The following GABRB1 variants were observed in gnomAD, a reference collection of about 807,000 sequenced individuals.
GABRB1 encodes the protein gamma-aminobutyric acid receptor subunit beta-1.
In GABRB1, 17 loss-of-function variants were observed where a neutral mutation model predicts 51.6. The observed-to-expected ratio is 0.33, with a 90% CI of 0.23 to 0.49. The LOEUF is 0.49. Among genes scored for constraint, GABRB1 ranks in the 20% least tolerant of loss-of-function variants. The probability of loss-of-function intolerance (pLI) is 0.99; values close to 1 mark genes in which losing one functional copy is unlikely to be tolerated. For synonymous variants in GABRB1, 247 were observed against 218.9 expected (o/e 1.13, Z -1.14); for missense variants, 410 against 600.6 (o/e 0.68, Z 3.32).
At chr4:47,201,480 C>A (rs1004923707) in intron 4 of GABRB1, among the ~76,000 whole-genome samples, 2 of 151,980 alleles carry the variant, frequency 1.3e-5, no homozygotes, top group African/African-American at 4.8e-5. Flanking sequence ...GCTATTTATT[C>A]TTTCTCATTC....
intron 3 of GABRB1, among the ~76,000 whole-genome samples, chr4:47,035,066 T>C (rs1005048809): frequency 6.6e-6 from 1 of 152,182 alleles, no homozygotes; most frequent in African/African-American, 2.4e-5. Context: ...AAAACATTGC[T>C]TATATTTATG....
At chr4:47,198,109 G>T (rs966422596) in intron 4 of GABRB1, among the ~76,000 whole-genome samples, 1 of 152,080 alleles carries the variant, frequency 6.6e-6, no homozygotes, top group East Asian at 1.9e-4. Flanking sequence ...TCCATAAACC[G>T]ATATCTCTAC....
At chr4:47,116,735 T>C (rs529354537) in intron 3 of GABRB1, among the ~76,000 whole-genome samples, 2 of 152,294 alleles carry the variant, frequency 1.3e-5, no homozygotes, top group East Asian at 1.9e-4. Context: ...AGTCCATTCT[T>C]GCATCTTTAT....
At chr4:47,363,671 T>C (rs952401540) in intron 5 of GABRB1, among the ~76,000 whole-genome samples, 1 of 152,160 alleles carries the variant, frequency 6.6e-6, no homozygotes, top group Non-Finnish European at 1.5e-5. Context: ...TTGCTATGAA[T>C]AGACTAGAGG....
Position 47,403,728 on chromosome 4 carries a change from A to T in GABRB1, c.835+17A>T. ...TCGCACTAGGTAATACATTCTCAGC[A>T]CTGCAGAGAGCTAACAGATTTTACT... On this transcript the variant is annotated intron_variant, in intron 7 of 8. Coordinates refer to ENST00000295454, the MANE Select transcript of GABRB1 (RefSeq NM_000812.4). 6.2e-7 allele frequency: 1 copy of T among 1,608,512 alleles called. No individual in the cohort carries two copies. The highest frequency in any genetic ancestry group is 8.5e-7 in the Non-Finnish European group (1 of 1,179,194).
intron 5 of GABRB1, among the ~76,000 whole-genome samples, chr4:47,390,466 TAG>T (rs1727947267): frequency 6.6e-6 from 1 of 152,210 alleles, no homozygotes; most frequent in Non-Finnish European, 1.5e-5. Context: ...GCATCCAAAA[TAG>T]AGTGTTTCAA....
intron 4 of GABRB1, among the ~76,000 whole-genome samples, chr4:47,319,135 C>A (rs983139979): frequency 6.6e-6 from 1 of 152,038 alleles, no homozygotes. Context: ...ATTTTCTAAT[C>A]ATCCTTTTGT....
At chr4:47,385,856 C>G (rs955000740) in intron 5 of GABRB1, among the ~76,000 whole-genome samples, 1 of 152,294 alleles carries the variant, frequency 6.6e-6, no homozygotes, top group East Asian at 1.9e-4. Flanking sequence ...GAATGTCTCA[C>G]AGAACTCAGG....
intron 2 of GABRB1, 34 bp downstream of exon 2, chr4:47,032,039 T>C (rs765507674): frequency 6.0e-6 from 8 of 1,337,420 alleles, no homozygotes; most frequent in South Asian, 1.2e-5. Context: ...CTGTAACCCA[T>C]CCTTAGTTCT....
At chr4:47,287,281 T>C (rs187014803) in intron 4 of GABRB1, among the ~76,000 whole-genome samples, 1 of 152,354 alleles carries the variant, frequency 6.6e-6, no homozygotes, top group East Asian at 1.9e-4. Context: ...CTATATCACA[T>C]GATTCAAGTA....
At chr4:47,169,549 TG>T (rs1348314275) in intron 4 of GABRB1, among the ~76,000 whole-genome samples, 1 of 151,976 alleles carries the variant, frequency 6.6e-6, no homozygotes, top group Non-Finnish European at 1.5e-5. Flanking sequence ...TTGCCCAAGC[TG>T]GAGTGCAATG....
intron 4 of GABRB1, among the ~76,000 whole-genome samples, chr4:47,210,011 A>G (rs540857485): frequency 2.0e-5 from 3 of 152,272 alleles, no homozygotes; most frequent in African/African-American, 7.2e-5. Context: ...TCCTGCCGTC[A>G]GGATGACAGA....
chr4:47,117,199 G>A lies in GABRB1; in HGVS notation c.241-44050G>A, dbSNP rs115536384. On this transcript the variant is annotated intron_variant, in intron 3 of 8. Transcript: ENST00000295454. ...AAAGATTTTTATCTTTTTATGTTAC[G>A]AGAGGAGCAGGTCCTCTGAATTTTT... Among the ~76,000 whole-genome samples the A allele has an allele frequency of 3.3e-3, 503 of 152,254 alleles. 5 individuals carry two copies. Among genetic ancestry groups the A allele is most frequent in the African/African-American group, 0.011 (441 of 41,554 alleles).
chr4:47,396,793 C>CA (rs1423886755), intron 5 of GABRB1, among the ~76,000 whole-genome samples: 1 of 152,176 alleles, frequency 6.6e-6, no homozygotes, highest in Admixed American at 6.5e-5. Flanking sequence ...TCATCAGCAA[C>CA]ATGAGAGTAG....
intron 3 of GABRB1, among the ~76,000 whole-genome samples, chr4:47,071,138 T>C (rs775370172): frequency 2.5e-4 from 38 of 152,216 alleles, no homozygotes; most frequent in Non-Finnish European, 1.0e-4. Flanking sequence ...GCCAGACCCA[T>C]CAGGAACTTC....
At chr4:47,377,531 A>C (rs1272322333) in intron 5 of GABRB1, among the ~76,000 whole-genome samples, 1 of 151,876 alleles carries the variant, frequency 6.6e-6, no homozygotes, top group African/African-American at 2.4e-5. Context: ...CAGCAGCAAG[A>C]TTTATTGCAA....
chr4:47,165,745 A>C (rs958078127), intron 4 of GABRB1, among the ~76,000 whole-genome samples: 3 of 152,034 alleles, frequency 2.0e-5, no homozygotes, highest in Non-Finnish European at 2.9e-5. Context: ...CAAAATTTCC[A>C]ATTGCTCACT....
intron 4 of GABRB1, among the ~76,000 whole-genome samples, chr4:47,180,355 A>G (rs1196269350): frequency 1.3e-5 from 2 of 152,206 alleles, no homozygotes; most frequent in Admixed American, 6.6e-5. Context: ...GAGGCAACAC[A>G]TTAAAATGTT....
chr4:47,151,771 T>C (rs1286768695), intron 3 of GABRB1, among the ~76,000 whole-genome samples: 1 of 152,054 alleles, frequency 6.6e-6, no homozygotes, highest in African/African-American at 2.4e-5. Flanking sequence ...GAGTGAAGTT[T>C]ATGAATCATT....
Sources: gnomAD v4.1 joint callset for allele counts (sites outside exome capture counted in the v4.1 genomes callset) on GRCh38, gnomAD v4.1.1 for gene constraint, MANE v1.5 for transcripts, NCBI Gene and HGNC (gene_info 2026-07-23, HGNC 2026-07-21) for gene names.